Variants in DNAH17 observed in about 807,000 individuals in gnomAD.
The protein encoded by DNAH17 is axonemal beta dynein heavy chain 17.
Under a neutral mutation model 485.6 loss-of-function variants are expected in DNAH17, and 376 were observed. The ratio of observed to expected loss-of-function variants is 0.77; its 90% confidence interval spans 0.71 to 0.84. The LOEUF (loss-of-function observed/expected upper bound fraction) is 0.84. Ranked by LOEUF, DNAH17 falls within the 40% of genes least tolerant of loss-of-function variation. The pLI, the probability that DNAH17 is intolerant of heterozygous loss-of-function variation, is 0.00. For synonymous variants in DNAH17, 3,031 were observed against 2,405.9 expected, an observed-to-expected ratio of 1.26 and a Z score of -7.60; for missense variants, 6,370 against 5,839.3, an observed-to-expected ratio of 1.09 and a Z score of -2.96.
intron 33 of DNAH17, 48 bp from the exon 34 acceptor site, chr17:78,501,921 A>T (rs2090309091): frequency 6.2e-7 from 1 of 1,608,178 alleles, no homozygotes; most frequent in Non-Finnish European, 8.5e-7. Context: ...GCCCACATGC[A>T]CTGGGGGGTC....
intron 60 of DNAH17, 28 bp downstream of exon 60, chr17:78,459,756 C>T (rs1255294985): frequency 1.2e-6 from 2 of 1,612,012 alleles, no homozygotes; most frequent in South Asian, 2.2e-5. Flanking sequence ...GAGGGAAGCC[C>T]CGGCTACGAG....
At chr17:78,569,303 G>T in intron 8 of DNAH17, 51 bp from the exon 9 acceptor site, 1 of 1,599,418 alleles carries the variant, frequency 6.3e-7, no homozygotes, top group Non-Finnish European at 8.5e-7. Flanking sequence ...AATGTCCCAA[G>T]TTTATCAAAT....
intron 79 of DNAH17, among the ~76,000 whole-genome samples, chr17:78,425,938 G>C (rs2086436705): frequency 6.6e-6 from 1 of 152,014 alleles, no homozygotes; most frequent in African/African-American, 2.4e-5. Flanking sequence ...GCTTATTTTT[G>C]TATTTTTAGA....
intron 62 of DNAH17, among the ~76,000 whole-genome samples, chr17:78,456,142 T>C (rs892556592): frequency 2.0e-5 from 3 of 151,648 alleles, no homozygotes; most frequent in Non-Finnish European, 2.9e-5. Flanking sequence ...CTACTAAAAA[T>C]ACAAAAATTA....
intron 16 of DNAH17, among the ~76,000 whole-genome samples, chr17:78,546,800 G>A (rs573606835): frequency 6.6e-6 from 1 of 152,258 alleles, no homozygotes. Flanking sequence ...CAGCTATTTG[G>A]GAGGCTGAAG....
Position 78,491,595 on chromosome 17 carries a change from C to G in DNAH17, c.6542-25G>C, listed in dbSNP as rs759541203. ...CCTGGGGGAGGCGCGTGGTATGACCCCGGGCCCTTCACTCCGGCCCCATTC... is the reference window on the plus strand; with the variant it reads ...CCTGGGGGAGGCGCGTGGTATGACCGCGGGCCCTTCACTCCGGCCCCATTC... On this transcript the variant is annotated intron_variant, in intron 42 of 80. Transcript: ENST00000389840. 2.5e-6 allele frequency: 4 copies of G among 1,610,442 alleles called. No individual in the cohort carries two copies. The Admixed American group carries it at 6.7e-5, about 27-fold the overall frequency.
At chr17:78,563,966 T>G (rs1210104790) in intron 11 of DNAH17, among the ~76,000 whole-genome samples, 16 of 151,778 alleles carry the variant, frequency 1.1e-4, no homozygotes. Context: ...TACGTGAAAA[T>G]TTTTAAAAAG....
chr17:78,507,748 G>C lies in DNAH17; in HGVS notation c.4294C>G (p.Pro1432Ala). Residue 1432 changes from proline (P) to alanine (A), a missense_variant, in exon 28 of 81, where the codon CCG (proline) becomes GCG (alanine). Transcript: ENST00000389840. ...TTGAGCATCATGGTGCCTGTCCGCG[G>C]GTGCGGCTCGTGCTGGAATTCCATC... Reference protein sequence around the residue: ...SMMEFQHEPHPRTGTMMLKSS... With the variant: ...SMMEFQHEPHARTGTMMLKSS... 6.3e-7 allele frequency: 1 copy of C among 1,593,876 alleles called. No individual in the cohort carries two copies. The highest frequency in any genetic ancestry group is 8.5e-7 in the Non-Finnish European group (1 of 1,175,804).
chr17:78,458,968 GT>G, intron 61 of DNAH17, 32 bp downstream of exon 61: 1 of 1,610,330 alleles, frequency 6.2e-7, no homozygotes, highest in East Asian at 2.2e-5. Context: ...CGGCTCTGGT[GT>G]TTCGCAGGGA....
intron 9 of DNAH17, among the ~76,000 whole-genome samples, 167 bp from the exon 10 acceptor site, chr17:78,567,333 A>G (rs893034857): frequency 6.6e-6 from 1 of 152,064 alleles, no homozygotes; most frequent in Non-Finnish European, 1.5e-5. Flanking sequence ...GCTGTTCTTT[A>G]AGCAAATATT....
chr17:78,490,323 T>C (rs1395501114), intron 44 of DNAH17, among the ~76,000 whole-genome samples: 1 of 152,078 alleles, frequency 6.6e-6, no homozygotes, highest in African/African-American at 2.4e-5. Context: ...TGAACGCGGG[T>C]TCTTGTCTGG....
intron 25 of DNAH17, among the ~76,000 whole-genome samples, chr17:78,520,750 T>C (rs1598632630): frequency 1.3e-5 from 2 of 152,184 alleles, no homozygotes; most frequent in Non-Finnish European, 2.9e-5. Context: ...AATGGAGAGA[T>C]ACATTATGTT....
At chr17:78,541,921 T>C (rs995987028) in intron 17 of DNAH17, among the ~76,000 whole-genome samples, 1 of 151,974 alleles carries the variant, frequency 6.6e-6, no homozygotes, top group African/African-American at 2.4e-5. Flanking sequence ...AGGGGAGGGA[T>C]GGGAACTGGG....
In DNAH17 at chr17:78,427,117, C is replaced by T. The variant is rs1196327532; in HGVS notation, c.12589-9G>A. 4 of 1,563,656 alleles carry T rather than the reference C, an allele frequency of 2.6e-6. No individual in the cohort carries two copies. The highest frequency in any genetic ancestry group is 2.6e-6 in the Non-Finnish European group (3 of 1,154,198). On this transcript the variant is annotated splice_polypyrimidine_tract_variant and intron_variant, in intron 77 of 80. Transcript: ENST00000389840. ...TCCAGCACGGCCTTCACCTGGAAGC[C>T]AGTCCCCGGACAGCCCCTGTCACTG...
intron 19 of DNAH17, among the ~76,000 whole-genome samples, chr17:78,534,152 C>G (rs1381691706): frequency 6.6e-6 from 1 of 152,224 alleles, no homozygotes; most frequent in African/African-American, 2.4e-5. Context: ...ACTCTCACAC[C>G]AAGCCAGTAT....
Position 78,553,283 on chromosome 17 carries a change from G to GGTTTTTTTTT in DNAH17, c.2179-479_2179-478insAAAAAAAAAC, listed in dbSNP as rs2091944708. Among the ~76,000 whole-genome samples the GGTTTTTTTTT allele has an allele frequency of 5.7e-4, 29 of 51,030 alleles. 4 individuals are homozygous for GGTTTTTTTTT. Among genetic ancestry groups the GGTTTTTTTTT allele is most frequent in the African/African-American group, 9.0e-4 (10 of 11,098 alleles). 33.5% of individuals were successfully genotyped at this position (51,030 alleles called of 152,430 possible). The stretch of plus-strand genomic sequence containing the variant: ...AAATTACCCAGTCCCAGGTTTTTGT[G>GGTTTTTTTTT]TTTTTTTTTTTTTTTTTTTTTTTTT... On this transcript the variant is annotated intron_variant, in intron 14 of 80. Coordinates refer to ENST00000389840, the MANE Select transcript of DNAH17 (RefSeq NM_173628.4).
At chr17:78,526,835 A>G in intron 23 of DNAH17, 45 bp downstream of exon 23, 1 of 1,558,862 alleles carries the variant, frequency 6.4e-7, no homozygotes, top group Admixed American at 1.9e-5. Context: ...GGTGAGCCCC[A>G]CGCTGCTCCC....
Position 78,557,636 on chromosome 17 carries a change from CAAAAAA to C in DNAH17, c.2178+466_2178+471del, listed in dbSNP as rs34251460. 3.6e-3 allele frequency among the ~76,000 whole-genome samples: 106 copies of C among 29,046 alleles called. 4 individuals are homozygous for C. Among genetic ancestry groups the C allele is most frequent in the African/African-American group, 3.0e-3 (31 of 10,470 alleles). The allele number at this position is 29,046 out of a possible 152,430, so 19.1% of individuals were successfully genotyped here. ...CCTGGGTGACAGAGTGAGACTGTCTCAAAAAAAAAAAAAAAAAAAAAAAAAAAGTAA... is the reference window on the plus strand; with the variant it reads ...CCTGGGTGACAGAGTGAGACTGTCTCAAAAAAAAAAAAAAAAAAAAAGTAA... On this transcript the variant is annotated intron_variant, in intron 14 of 80. Transcript: ENST00000389840.
In DNAH17 at chr17:78,515,038, C is replaced by T. The variant is rs774034341; in HGVS notation, c.3865-16G>A. 3.1e-6 allele frequency: 5 copies of T among 1,612,248 alleles called. No individual in the cohort carries two copies. The African/African-American group carries it at 6.7e-5, about 21-fold the overall frequency. On this transcript the variant is annotated splice_polypyrimidine_tract_variant and intron_variant, in intron 25 of 80. Transcript: ENST00000389840. ...TGGTATTTACCTGAAACGAAAACAT[C>T]CCGTTTCTCCTTCCACTCTCATCAA...
Sources: allele counts gnomAD v4.1 joint callset (sites outside exome capture counted in the v4.1 genomes callset), GRCh38; gene constraint gnomAD v4.1.1; transcripts MANE v1.5; gene names NCBI Gene and HGNC (gene_info 2026-07-23, HGNC 2026-07-21).